The following SP4 variants were observed in gnomAD, a reference collection of about 807,000 sequenced individuals.
SP4 encodes transcription factor Sp4.
In SP4, 19 loss-of-function variants were observed where a neutral mutation model predicts 72.8. The observed-to-expected ratio is 0.26, with a 90% CI of 0.18 to 0.38. The LOEUF is 0.38. Ranked by LOEUF, SP4 falls within the 10% of genes least tolerant of loss-of-function variation. The probability of loss-of-function intolerance (pLI) is 1.00; values close to 1 mark genes in which losing one functional copy is unlikely to be tolerated. For missense variants in SP4, 1,008 were observed against 926.3 expected (o/e 1.09, Z -1.14); for synonymous variants, 395 against 333.1 (o/e 1.19, Z -2.02).
At chr7:21,439,122 G>T (rs1013548102) in intron 3 of SP4, among the ~76,000 whole-genome samples, 1 of 152,140 alleles carries the variant, frequency 6.6e-6, no homozygotes, top group Non-Finnish European at 1.5e-5. Flanking sequence ...TGATAAGGGG[G>T]GACTGCTCTA....
intron 3 of SP4, among the ~76,000 whole-genome samples, chr7:21,434,693 AGT>A (rs139262604): frequency 0.04 from 6,090 of 152,260 alleles, 158 homozygotes; most frequent in Non-Finnish European, 0.056. Flanking sequence ...CTGGGATTTT[AGT>A]GTACCCATCA....
chr7:21,482,867 A>G (rs534647434), intron 5 of SP4: 1 of 424,858 alleles, frequency 2.4e-6, no homozygotes, highest in East Asian at 1.6e-4. Context: ...CTGCTATATA[A>G]TATTTTATCA....
At chr7:21,428,638 C>T (rs1264531025) in intron 1 of SP4, 39 bp from the exon 2 acceptor site, 1 of 1,506,466 alleles carries the variant, frequency 6.6e-7, no homozygotes, top group Non-Finnish European at 9.0e-7. Context: ...ATCCTAATAA[C>T]CTGTTGTCGT....
intron 5 of SP4, among the ~76,000 whole-genome samples, chr7:21,491,590 A>G (rs1204272186): frequency 1.3e-5 from 2 of 152,218 alleles, no homozygotes; most frequent in Non-Finnish European, 2.9e-5. Flanking sequence ...AGAAAACAAT[A>G]TCATATTGTA....
In SP4 at chr7:21,447,868, G is replaced by C. The variant is rs144902480; in HGVS notation, c.1678+17025G>C. 1.4e-4 allele frequency among the ~76,000 whole-genome samples: 22 copies of C among 152,232 alleles called. No homozygotes were observed. The East Asian group carries it at 4.3e-3, about 29-fold the overall frequency. On this transcript the variant is annotated intron_variant, in intron 3 of 5. Transcript: ENST00000222584. The stretch of plus-strand genomic sequence containing the variant: ...CCGGCTAATTTTTGTATTGTTACTA[G>C]AGATGGGGTTTCACCATCTTGGCTA...
intron 4 of SP4, among the ~76,000 whole-genome samples, chr7:21,480,576 C>T (rs906024299): frequency 6.6e-6 from 1 of 152,118 alleles, no homozygotes; most frequent in Non-Finnish European, 1.5e-5. Context: ...GTAGTGATAT[C>T]TCCTCTTTGA....
At chr7:21,497,547 G>A (rs1415481943) in intron 5 of SP4, among the ~76,000 whole-genome samples, 1 of 152,138 alleles carries the variant, frequency 6.6e-6, no homozygotes, top group East Asian at 1.9e-4. Flanking sequence ...AGTTTTGGAG[G>A]TTCTTCACCA....
intron 3 of SP4, among the ~76,000 whole-genome samples, chr7:21,438,805 C>T (rs1783135632): frequency 6.6e-6 from 1 of 152,042 alleles, no homozygotes; most frequent in Non-Finnish European, 1.5e-5. Flanking sequence ...CCAGTTATAC[C>T]CTCTGTATAT....
chr7:21,454,164 T>C (rs1447750028), intron 3 of SP4, among the ~76,000 whole-genome samples: 3 of 152,184 alleles, frequency 2.0e-5, no homozygotes, highest in Non-Finnish European at 2.9e-5. Context: ...CAGACAGAAG[T>C]GTAGATAAGG....
intron 3 of SP4, among the ~76,000 whole-genome samples, chr7:21,454,589 T>C (rs1021493033): frequency 1.3e-5 from 2 of 152,202 alleles, no homozygotes; most frequent in East Asian, 1.9e-4. Context: ...TAGGAAGTTA[T>C]GGTTTGTTGC....
intron 5 of SP4, among the ~76,000 whole-genome samples, chr7:21,510,776 T>C (rs577341495): frequency 6.6e-6 from 1 of 152,324 alleles, no homozygotes; most frequent in African/African-American, 2.4e-5. Context: ...GGCTATTTAC[T>C]TGCTCCAGCT....
At chr7:21,510,929 A>T in intron 5 of SP4, 93 bp from the exon 6 acceptor site, 1 of 1,254,320 alleles carries the variant, frequency 8.0e-7, no homozygotes, top group Non-Finnish European at 1.1e-6. Context: ...CTGTACAAAA[A>T]GTCATATAAT....
intron 5 of SP4, among the ~76,000 whole-genome samples, chr7:21,493,592 A>G (rs972419000): frequency 2.0e-5 from 3 of 152,216 alleles, no homozygotes; most frequent in Admixed American, 2.0e-4. Flanking sequence ...TTGAGGACTT[A>G]GATAAAATGG....
chr7:21,478,005 C>T (rs1384711158), intron 4 of SP4, among the ~76,000 whole-genome samples: 3 of 152,170 alleles, frequency 2.0e-5, no homozygotes, highest in Non-Finnish European at 2.9e-5. Context: ...TCATCATCCC[C>T]AGAATAAATT....
intron 4 of SP4, among the ~76,000 whole-genome samples, chr7:21,480,110 TTTTTC>T (rs1784639671): frequency 6.6e-6 from 1 of 152,148 alleles, no homozygotes; most frequent in Non-Finnish European, 1.5e-5. Context: ...GTTCTGTTTC[TTTTTC>T]TTGCTTAGTT....
chr7:21,510,393 CAAAG>C (rs753452178), intron 5 of SP4, among the ~76,000 whole-genome samples: 2 of 152,054 alleles, frequency 1.3e-5, no homozygotes, highest in African/African-American at 4.8e-5. Context: ...TATTCCAAAA[CAAAG>C]AAGTCGGTCC....
intron 5 of SP4, chr7:21,482,688 T>G: frequency 1.0e-6 from 1 of 982,544 alleles, no homozygotes; most frequent in Non-Finnish European, 1.2e-6. Flanking sequence ...CTAATGTGTC[T>G]AAGTTTTACG....
At chr7:21,457,981 T>A (rs1210618650) in intron 3 of SP4, among the ~76,000 whole-genome samples, 1 of 152,168 alleles carries the variant, frequency 6.6e-6, no homozygotes, top group East Asian at 1.9e-4. Flanking sequence ...TTCATGGTCT[T>A]TTGGGGGTTT....
chr7:21,449,075 A>G (rs1205245457), intron 3 of SP4, among the ~76,000 whole-genome samples: 2 of 152,100 alleles, frequency 1.3e-5, no homozygotes, highest in Non-Finnish European at 2.9e-5. Flanking sequence ...ACCACCTCCT[A>G]TATTAGGTTC....
Sources: gnomAD v4.1 joint callset for allele counts (sites outside exome capture counted in the v4.1 genomes callset) on GRCh38, gnomAD v4.1.1 for gene constraint, MANE v1.5 for transcripts, NCBI Gene and HGNC (gene_info 2026-07-23, HGNC 2026-07-21) for gene names.